Variants in LRMDA observed in about 807,000 individuals in gnomAD.
LRMDA encodes the protein leucine-rich melanocyte differentiation-associated protein.
A neutral mutation model predicts 29.8 loss-of-function variants in LRMDA; 18 were observed. The ratio of observed to expected loss-of-function variants is 0.60; its 90% CI spans 0.42 to 0.90. The LOEUF (loss-of-function observed/expected upper bound fraction) is 0.90, where lower values mean the gene tolerates loss of function less well. LRMDA is among the 40% of genes least tolerant of loss of function. The pLI, the probability that LRMDA is intolerant of heterozygous loss-of-function variation, is 0.00. For missense variants in LRMDA, 273 were observed against 273.9 expected (o/e 1.00, Z 0.02); for synonymous variants, 125 against 109.4 (o/e 1.14, Z -0.89).
chr10:76,245,590 A>G (rs1473365727), intron 5 of LRMDA, among the ~76,000 whole-genome samples: 3 of 152,234 alleles, frequency 2.0e-5, no homozygotes, highest in African/African-American at 7.2e-5. Context: ...CAGCCATCTT[A>G]TGGGGCAATC....
At chr10:76,106,311 T>C (rs961703499) in intron 5 of LRMDA, among the ~76,000 whole-genome samples, 1 of 152,226 alleles carries the variant, frequency 6.6e-6, no homozygotes, top group African/African-American at 2.4e-5. Context: ...TTAAACTTCC[T>C]GAAAATTTTC....
At chr10:76,524,144 C>T (rs1310006479) in intron 6 of LRMDA, among the ~76,000 whole-genome samples, 1 of 152,174 alleles carries the variant, frequency 6.6e-6, no homozygotes, top group Non-Finnish European at 1.5e-5. Flanking sequence ...TGCACCCAGT[C>T]CATGTATCAT....
At chr10:75,824,171 T>C (rs1844211662) in intron 2 of LRMDA, among the ~76,000 whole-genome samples, 1 of 152,176 alleles carries the variant, frequency 6.6e-6, no homozygotes, top group Non-Finnish European at 1.5e-5. Context: ...TTTGATTACA[T>C]GTTGATTGTA....
chr10:76,536,465 A>G (rs1398785999), intron 6 of LRMDA, among the ~76,000 whole-genome samples: 6 of 152,140 alleles, frequency 3.9e-5, no homozygotes, highest in African/African-American at 9.7e-5. Context: ...ATCTTTGTTG[A>G]AAGAAGCTCT....
chr10:76,238,179 C>T (rs994807202), intron 5 of LRMDA, among the ~76,000 whole-genome samples: 2 of 152,202 alleles, frequency 1.3e-5, no homozygotes, highest in South Asian at 4.1e-4. Context: ...AATAAATAGT[C>T]CCCATCCTTG....
chr10:76,325,869 C>A (rs1426272492), intron 6 of LRMDA, among the ~76,000 whole-genome samples: 1 of 152,074 alleles, frequency 6.6e-6, no homozygotes, highest in Non-Finnish European at 1.5e-5. Context: ...TATAAAAAAT[C>A]TGAGACTTGA....
intron 6 of LRMDA, among the ~76,000 whole-genome samples, chr10:76,379,881 G>A (rs1396545539): frequency 1.3e-5 from 2 of 152,146 alleles, no homozygotes; most frequent in African/African-American, 4.8e-5. Flanking sequence ...CACGTTTGCT[G>A]TATTCTAGAG....
At chr10:76,284,457 T>C (rs1169570557) in intron 5 of LRMDA, among the ~76,000 whole-genome samples, 1 of 152,104 alleles carries the variant, frequency 6.6e-6, no homozygotes, top group Non-Finnish European at 1.5e-5. Context: ...TTTGCCTCTA[T>C]AGGGCCTTTT....
intron 6 of LRMDA, among the ~76,000 whole-genome samples, chr10:76,415,719 A>G (rs1299784278): frequency 6.6e-6 from 1 of 152,126 alleles, no homozygotes; most frequent in Non-Finnish European, 1.5e-5. Flanking sequence ...TGACATGGCT[A>G]TGGGCCCCAC....
intron 2 of LRMDA, among the ~76,000 whole-genome samples, chr10:75,707,316 G>T (rs1589165297): frequency 6.6e-6 from 1 of 152,188 alleles, no homozygotes; most frequent in Non-Finnish European, 1.5e-5. Context: ...TAAGTGTGGG[G>T]CCCACAGAAA....
chr10:75,775,721 G>A (rs1564564994), intron 2 of LRMDA, among the ~76,000 whole-genome samples: 1 of 152,210 alleles, frequency 6.6e-6, no homozygotes, highest in Admixed American at 6.5e-5. Context: ...TGGCTCCACA[G>A]AGCAGTCTTC....
chr10:75,466,439 G>C (rs1844651253), intron 2 of LRMDA, among the ~76,000 whole-genome samples: 1 of 152,144 alleles, frequency 6.6e-6, no homozygotes, highest in African/African-American at 2.4e-5. Flanking sequence ...TGCCTGATAA[G>C]TTCTTCAGTT....
At chr10:76,458,111 A>G (rs1291233815) in intron 6 of LRMDA, among the ~76,000 whole-genome samples, 1 of 125,190 alleles carries the variant, frequency 8.0e-6, no homozygotes, top group East Asian at 2.2e-4. Context: ...TTTCTTTCAC[A>G]CTCCTAGTGC....
intron 6 of LRMDA, among the ~76,000 whole-genome samples, chr10:76,505,268 T>C (rs1242494556): frequency 6.6e-6 from 1 of 152,056 alleles, no homozygotes. Context: ...TTGATGATTC[T>C]GGTAACTATG....
At chr10:76,146,871 G>C (rs1285531006) in intron 5 of LRMDA, among the ~76,000 whole-genome samples, 1 of 152,010 alleles carries the variant, frequency 6.6e-6, no homozygotes, top group Non-Finnish European at 1.5e-5. Flanking sequence ...GCTCATTTAG[G>C]GCAGGCCTGC....
At chr10:76,069,901 T>A (rs2132067323) in intron 5 of LRMDA, among the ~76,000 whole-genome samples, 1 of 152,298 alleles carries the variant, frequency 6.6e-6, no homozygotes, top group South Asian at 2.1e-4. Flanking sequence ...GCTGTTGAGT[T>A]CCATGGAAAA....
chr10:76,476,942 T>C (rs1842680086), intron 6 of LRMDA, among the ~76,000 whole-genome samples: 1 of 152,160 alleles, frequency 6.6e-6, no homozygotes, highest in Non-Finnish European at 1.5e-5. Flanking sequence ...ACAGCCATTA[T>C]CATACTGAAT....
At chr10:75,612,754 G>A (rs966036237) in intron 2 of LRMDA, among the ~76,000 whole-genome samples, 2 of 151,004 alleles carry the variant, frequency 1.3e-5, no homozygotes, top group African/African-American at 2.4e-5. Context: ...CTCTCACTGT[G>A]AAAGTATTAG....
intron 6 of LRMDA, among the ~76,000 whole-genome samples, chr10:76,471,806 G>T (rs1236305094): frequency 6.6e-6 from 1 of 151,666 alleles, no homozygotes; most frequent in Admixed American, 6.6e-5. Context: ...CTTTAAGACA[G>T]AAAAAGTTAC....
Sources: allele counts gnomAD v4.1 joint callset (sites outside exome capture counted in the v4.1 genomes callset), GRCh38; gene constraint gnomAD v4.1.1; transcripts MANE v1.5; gene names NCBI Gene and HGNC (gene_info 2026-07-23, HGNC 2026-07-21).